The following NPAS3 variants were observed in gnomAD, a reference collection of about 807,000 sequenced individuals.
NPAS3 encodes neuronal PAS domain protein 3, also known as neuronal PAS domain-containing protein 3.
A neutral mutation model predicts 73.1 loss-of-function variants in NPAS3; 14 were observed. That is an observed-to-expected ratio of 0.19 (90% CI 0.13 to 0.30). The LOEUF (loss-of-function observed/expected upper bound fraction) is 0.30, where lower values mean the gene tolerates loss of function less well. Among genes scored for constraint, NPAS3 ranks in the 10% least tolerant of loss-of-function variants. NPAS3 has a pLI of 1.00. For synonymous variants in NPAS3, 620 were observed against 541.5 expected (o/e 1.14, Z -2.01); for missense variants, 1,096 against 1,250.0 (o/e 0.88, Z 1.86).
chr14:32,961,241 G>A (rs2036901581), intron 1 of NPAS3, among the ~76,000 whole-genome samples: 1 of 151,672 alleles, frequency 6.6e-6, no homozygotes, highest in Non-Finnish European at 1.5e-5. Flanking sequence ...GTGAAACCTT[G>A]TCTCCACTAA....
intron 1 of NPAS3, among the ~76,000 whole-genome samples, chr14:32,959,700 C>T (rs189545946): frequency 2.0e-4 from 31 of 152,274 alleles, no homozygotes; most frequent in African/African-American, 4.1e-4. Flanking sequence ...TTAGAAGCGT[C>T]GGGCATACTT....
At chr14:33,560,172 A>G in exon 5 of NPAS3, 1 of 870,884 alleles carries the variant, frequency 1.1e-6, no homozygotes, top group Non-Finnish European at 2.0e-6. Context: ...ATTTTTGTAC[A>G]TTTCCGAAAC....
At chr14:33,609,282 C>T (rs1043749919) in intron 5 of NPAS3, among the ~76,000 whole-genome samples, 8 of 152,070 alleles carry the variant, frequency 5.3e-5, no homozygotes, top group Admixed American at 2.6e-4. Flanking sequence ...AATGTTTTTG[C>T]GGAGGGGTGT....
intron 1 of NPAS3, among the ~76,000 whole-genome samples, chr14:32,963,994 T>G (rs1393320875): frequency 6.6e-6 from 1 of 151,882 alleles, no homozygotes; most frequent in Non-Finnish European, 1.5e-5. Flanking sequence ...TAAAATCATA[T>G]TCAAAGAATA....
intron 9 of NPAS3, among the ~76,000 whole-genome samples, chr14:33,791,188 T>G (rs1323523396): frequency 6.6e-6 from 1 of 152,186 alleles, no homozygotes; most frequent in Admixed American, 6.5e-5. Flanking sequence ...CCGCCCACGG[T>G]GGGCTCCCGA....
intron 3 of NPAS3, among the ~76,000 whole-genome samples, chr14:33,323,811 C>T (rs1374520728): frequency 6.6e-6 from 1 of 152,216 alleles, no homozygotes; most frequent in East Asian, 1.9e-4. Flanking sequence ...ATTGCTATAG[C>T]TTAATAAATC....
chr14:33,204,463 G>C (rs1056712278), intron 2 of NPAS3, among the ~76,000 whole-genome samples: 3 of 152,124 alleles, frequency 2.0e-5, no homozygotes, highest in Non-Finnish European at 4.4e-5. Flanking sequence ...TATTGTGGCA[G>C]CTTCTTAACC....
chr14:33,140,705 A>T (rs911415721), intron 2 of NPAS3, among the ~76,000 whole-genome samples: 1 of 152,198 alleles, frequency 6.6e-6, no homozygotes, highest in African/African-American at 2.4e-5. Context: ...ATCACTAAAA[A>T]ATGGTCTTTA....
intron 3 of NPAS3, among the ~76,000 whole-genome samples, chr14:33,297,708 TC>T (rs2042358903): frequency 6.6e-6 from 1 of 152,212 alleles, no homozygotes; most frequent in Non-Finnish European, 1.5e-5. Context: ...GTAAAAAGAA[TC>T]CTTTCCTTTC....
At chr14:32,994,979 A>G (rs2139510270) in intron 1 of NPAS3, among the ~76,000 whole-genome samples, 1 of 152,284 alleles carries the variant, frequency 6.6e-6, no homozygotes, top group Middle Eastern at 3.4e-3. Flanking sequence ...GAGTTCCTTG[A>G]ATCAAGATTC....
At chr14:33,753,255 A>C (rs1187618176) in intron 7 of NPAS3, among the ~76,000 whole-genome samples, 1 of 151,974 alleles carries the variant, frequency 6.6e-6, no homozygotes, top group Non-Finnish European at 1.5e-5. Flanking sequence ...TTTTATCAAT[A>C]ATATTGTTTT....
intron 1 of NPAS3, among the ~76,000 whole-genome samples, chr14:33,017,507 G>A (rs552489323): frequency 3.0e-4 from 45 of 152,176 alleles, no homozygotes; most frequent in African/African-American, 9.4e-4. Flanking sequence ...TAAATTAATC[G>A]AATAGAAGTC....
At chr14:33,014,908 A>G (rs2039337585) in intron 1 of NPAS3, among the ~76,000 whole-genome samples, 1 of 152,304 alleles carries the variant, frequency 6.6e-6, no homozygotes, top group East Asian at 1.9e-4. Context: ...CGGAGGAAGC[A>G]CTGCTCTGTG....
chr14:33,567,180 G>A (rs1271006151), intron 5 of NPAS3, among the ~76,000 whole-genome samples: 5 of 152,148 alleles, frequency 3.3e-5, no homozygotes, highest in African/African-American at 4.8e-5. Context: ...GCCTGGTGTG[G>A]CACCCTGAAG....
At chr14:33,525,740 T>C (rs898815191) in intron 4 of NPAS3, among the ~76,000 whole-genome samples, 8 of 152,152 alleles carry the variant, frequency 5.3e-5, no homozygotes, top group Non-Finnish European at 1.2e-4. Context: ...GGGGAGAAGT[T>C]GTTTCTGAAA....
At chr14:33,586,253 G>A (rs886835647) in intron 5 of NPAS3, among the ~76,000 whole-genome samples, 2 of 128,814 alleles carry the variant, frequency 1.6e-5, no homozygotes, top group Non-Finnish European at 1.6e-5. Flanking sequence ...TTTATTGACT[G>A]TTTCATAGCA....
At chr14:33,199,659 C>A (rs1321930914) in intron 2 of NPAS3, among the ~76,000 whole-genome samples, 1 of 143,112 alleles carries the variant, frequency 7.0e-6, no homozygotes, top group East Asian at 1.9e-4. Context: ...TTCCTCCTTA[C>A]CTTCCTCTAC....
At chr14:33,000,936 T>A (rs1424202814) in intron 1 of NPAS3, among the ~76,000 whole-genome samples, 1 of 152,210 alleles carries the variant, frequency 6.6e-6, no homozygotes, top group Non-Finnish European at 1.5e-5. Flanking sequence ...CAGGCTATTG[T>A]AGATGACAAT....
chr14:33,228,412 C>CA lies in NPAS3; in HGVS notation c.385+12993dup, dbSNP rs1353996742. Among the ~76,000 whole-genome samples the CA allele has an allele frequency of 1.2e-4, 18 of 151,922 alleles. No individual in the cohort carries two copies. In the South Asian group the frequency reaches 3.3e-3, roughly 28 times the overall value. The stretch of plus-strand genomic sequence containing the variant: ...ATATTTCATTGAGTTGATAGGAAAA[C>CA]AAAAAAATTCTTAAAATATACTGCA... On this transcript the variant is annotated intron_variant, in intron 3 of 11. Transcript: ENST00000356141.
Sources: allele counts gnomAD v4.1 joint callset (sites outside exome capture counted in the v4.1 genomes callset), GRCh38; gene constraint gnomAD v4.1.1; transcripts MANE v1.5; gene names NCBI Gene and HGNC (gene_info 2026-07-23, HGNC 2026-07-21).